Variants in HSPG2 observed in about 807,000 individuals in gnomAD.
HSPG2 encodes basement membrane-specific heparan sulfate proteoglycan core protein.
In HSPG2, 278 loss-of-function variants were observed where a neutral mutation model predicts 526.6. The observed-to-expected ratio is 0.53, with a 90% CI of 0.48 to 0.58. The LOEUF (loss-of-function observed/expected upper bound fraction) is 0.58. HSPG2 is among the 20% of genes least tolerant of loss of function. The pLI is 0.00. For synonymous variants in HSPG2, 2,465 were observed against 2,555.4 expected (o/e 0.96, Z 1.07); for missense variants, 5,354 against 6,099.5 (o/e 0.88, Z 4.07).
intron 1 of HSPG2, among the ~76,000 whole-genome samples, chr1:21,932,117 G>A (rs1236233916): frequency 4.1e-5 from 6 of 147,402 alleles, no homozygotes; most frequent in Admixed American, 2.7e-4. Flanking sequence ...GAGACCCCAC[G>A]GACACTGAGG....
chr1:21,891,535 CTGG>C (rs2152767515), intron 3 of HSPG2, among the ~76,000 whole-genome samples: 1 of 152,354 alleles, frequency 6.6e-6, no homozygotes, highest in East Asian at 1.9e-4. Context: ...TGCCGCGTGC[CTGG>C]TACACAGCGG....
At chr1:21,912,331 G>A (rs551733663) in intron 1 of HSPG2, among the ~76,000 whole-genome samples, 4 of 152,262 alleles carry the variant, frequency 2.6e-5, no homozygotes, top group South Asian at 2.1e-4. Flanking sequence ...CTTACGAGGT[G>A]TAAGTACCAC....
chr1:21,862,032 C>T lies in HSPG2; in HGVS notation c.4824G>A (p.Glu1608=). Residue 1608 remains glutamate (E), a synonymous_variant, in exon 38 of 97, where the codon GAG becomes GAA. Transcript: ENST00000374695. ...YYGDATAGTP[E]DCQPCACPLT... is the part of the protein sequence containing the mutation. Reference sequence around the variant, plus strand: ...GTGGGCAGGCACAGGGCTGGCAGTCCTCAGGCGTCCCGGCTGTGGCATCTC... The same window carrying T: ...GTGGGCAGGCACAGGGCTGGCAGTCTTCAGGCGTCCCGGCTGTGGCATCTC... The T allele has an allele frequency of 6.2e-7, 1 of 1,614,222 alleles. No homozygotes were observed. The highest frequency in any genetic ancestry group is 8.5e-7 in the Non-Finnish European group (1 of 1,180,038).
At position 21,864,239 on chromosome 1, in the gene HSPG2, T is replaced by C; in HGVS notation, c.4627-26A>G. ...CTAGGGGCAGAGAGGAAGGTTGGCC[T>C]CTGTTCCCAACGTGCCCCACCCACA... On this transcript the variant is annotated intron_variant, in intron 36 of 96. Transcript: ENST00000374695. The surrounding 1 kb of genome is among the most constrained non-coding windows in gnomAD (Gnocchi z 4.8). 1.3e-6 allele frequency: 2 copies of C among 1,539,624 alleles called. No individual in the cohort carries two copies. Among genetic ancestry groups the C allele is most frequent in the Non-Finnish European group, 8.8e-7 (1 of 1,137,466 alleles).
intron 29 of HSPG2, 121 bp downstream of exon 29, chr1:21,873,804 T>TGCGAGGTTAAGA (rs923062030): frequency 2.5e-6 from 2 of 814,330 alleles, no homozygotes; most frequent in Non-Finnish European, 3.9e-6. Context: ...CTGGGGCCTG[T>TGCGAGGTTAAGA]GCGAGGTTAA....
At position 21,844,162 on chromosome 1, in the gene HSPG2, G is replaced by A. The variant is rs1638234030; in HGVS notation, c.8602C>T (p.Pro2868Ser). The A allele has an allele frequency of 6.2e-7, 1 of 1,613,192 alleles. No homozygotes were observed. Among genetic ancestry groups the A allele is most frequent in the Admixed American group, 1.7e-5 (1 of 60,012 alleles). Residue 2868 changes from proline to serine, a missense_variant, in exon 65 of 97, where the codon CCT becomes TCT. By Grantham distance (74) the Pro-to-Ser change is moderately conservative. Coordinates refer to ENST00000374695, the MANE Select transcript of HSPG2 (RefSeq NM_005529.7). The stretch of plus-strand genomic sequence containing the variant: ...AGCTCCTTTACCTGGTGCCGGGCAG[G>A]GAGGTTTCCTCCACGCTTGTGCCAC... ...VTWHKRGGNL[P>S]ARHQVHGPLL... is the part of the protein sequence containing the mutation.
chr1:21,840,296 C>G (rs1327038558), intron 71 of HSPG2, among the ~76,000 whole-genome samples: 2 of 152,038 alleles, frequency 1.3e-5, no homozygotes, highest in Non-Finnish European at 1.5e-5. Flanking sequence ...TGCCACCACA[C>G]TCAGCTAATT....
intron 21 of HSPG2, among the ~76,000 whole-genome samples, chr1:21,877,242 T>C (rs1641149379): frequency 6.6e-6 from 1 of 152,160 alleles, no homozygotes; most frequent in Non-Finnish European, 1.5e-5. Context: ...ATTGAAATAA[T>C]TGCTGCTTCT....
Position 21,937,198 on chromosome 1 carries a change from C to T in HSPG2, c.20G>A (p.Gly7Asp). Residue 7 changes from glycine (G) to aspartate (D), a missense_variant, in exon 1 of 97, where the codon GGC becomes GAC. Transcript: ENST00000374695. MGWRAA[G>D]ALLLALLLHG... ...CAGCAGCAGCGCCAGCAGCAGCGCG[C>T]CCGCCGCCCGCCACCCCATGGCCCG... The T allele has an allele frequency of 1.8e-6, 2 of 1,081,230 alleles. No homozygotes were observed. Among genetic ancestry groups the T allele is most frequent in the South Asian group, 2.6e-5 (1 of 38,522 alleles). The allele number at this position is 1,081,230 out of a possible 1,614,324, so 67.0% of individuals were successfully genotyped here. A position where few individuals can be genotyped will look rare whatever the true frequency, so the allele number is the denominator to read the frequency against.
At chr1:21,905,607 T>C (rs905395685) in intron 1 of HSPG2, among the ~76,000 whole-genome samples, 1 of 152,314 alleles carries the variant, frequency 6.6e-6, no homozygotes, top group Middle Eastern at 3.4e-3. Context: ...CCTGGTGTGG[T>C]GGCAGGCGCC....
chr1:21,835,759 G>A (rs538932404), intron 75 of HSPG2, 122 bp from the exon 76 acceptor site: 11 of 700,580 alleles, frequency 1.6e-5, no homozygotes, highest in African/African-American at 5.3e-5. Context: ...TGAGGCAGGC[G>A]CATCACTTGA....
In HSPG2 at chr1:21,880,239, A is replaced by G; in HGVS notation, c.2211T>C (p.Tyr737=). Residue 737 remains tyrosine (Y), a synonymous_variant, in exon 17 of 97, where the codon TAT becomes TAC. Coordinates refer to ENST00000374695, the MANE Select transcript of HSPG2 (RefSeq NM_005529.7). The stretch of plus-strand genomic sequence containing the variant: ...CACAGCTCTCGCAGGACAAGCCAGA[A>G]TAGCCAATGGGGCATCTGTGGGGAC... The part of the protein sequence containing the change: ...SVEECRCPIG[Y]SGLSCESCDA... 6.2e-7 allele frequency: 1 copy of G among 1,614,214 alleles called. No individual in the cohort carries two copies. Among genetic ancestry groups the G allele is most frequent in the East Asian group, 2.2e-5 (1 of 44,882 alleles).
chr1:21,909,490 C>G (rs1643551680), intron 1 of HSPG2, among the ~76,000 whole-genome samples: 1 of 152,184 alleles, frequency 6.6e-6, no homozygotes, highest in African/African-American at 2.4e-5. Flanking sequence ...AAAAACAAAC[C>G]AGTTGCTTAG....
At chr1:21,936,816 C>T (rs1485238428) in intron 1 of HSPG2, among the ~76,000 whole-genome samples, 1 of 152,184 alleles carries the variant, frequency 6.6e-6, no homozygotes, top group African/African-American at 2.4e-5. Flanking sequence ...TCCCACCCTG[C>T]TCAAAGTTTC....
intron 63 of HSPG2, 65 bp from the exon 64 acceptor site, chr1:21,846,320 G>A (rs1469940799): frequency 6.2e-7 from 1 of 1,609,474 alleles, no homozygotes; most frequent in Non-Finnish European, 8.5e-7. Flanking sequence ...AAGGCCTGGG[G>A]CCAGGGTCTA....
rs940393723 is a variant in HSPG2, at chr1:21,887,152, C to T, written c.1078+63G>A. 1.4e-5 allele frequency: 22 copies of T among 1,593,092 alleles called. No homozygotes were observed. Among genetic ancestry groups the T allele is most frequent in the Middle Eastern group, 2.2e-4 (1 of 4,560 alleles). ...GTAGGGGCGGGGCAGGAGTGGAAGG[C>T]GGGGCAGGAGCAAGCGGCCTGGGCA... On this transcript the variant is annotated intron_variant, in intron 9 of 96. Coordinates refer to ENST00000374695, the MANE Select transcript of HSPG2 (RefSeq NM_005529.7). This position sits in a 1 kb window ranked among gnomAD's most constrained non-coding sequence, Gnocchi z 5.0.
Position 21,839,289 on chromosome 1 carries a change from C to T in HSPG2, c.9889+82G>A. 6.5e-7 allele frequency: 1 copy of T among 1,539,580 alleles called. No individual in the cohort carries two copies. The highest frequency in any genetic ancestry group is 8.9e-7 in the Non-Finnish European group (1 of 1,125,010). ...CGCCTGGAGACCTCTGGATGGGGTT[C>T]CTGGGGTTCTGTGTGGGGTGGAGCC... On this transcript the variant is annotated intron_variant, in intron 73 of 96. Coordinates refer to ENST00000374695, the MANE Select transcript of HSPG2 (RefSeq NM_005529.7). The surrounding 1 kb of genome is among the most constrained non-coding windows in gnomAD (Gnocchi z 4.5).
chr1:21,888,001 C>A lies in HSPG2; in HGVS notation c.640G>T (p.Ala214Ser). Residue 214 changes from alanine (A) to serine (S), a missense_variant, in exon 7 of 97, where the codon GCC becomes TCC. Coordinates refer to ENST00000374695, the MANE Select transcript of HSPG2 (RefSeq NM_005529.7). Reference sequence around the variant, plus strand: ...CGCCGGTCACAGCGATACTCCAGGGCCACACACTCATTGTAGCTGTGGCAG... The same window carrying A: ...CGCCGGTCACAGCGATACTCCAGGGACACACACTCATTGTAGCTGTGGCAG... ...FACHSYNECV[A>S]LEYRCDRRPD... 1 of 1,614,150 alleles carries A rather than the reference C, an allele frequency of 6.2e-7. No homozygotes were observed. Among genetic ancestry groups the A allele is most frequent in the East Asian group, 2.2e-5 (1 of 44,880 alleles).
chr1:21,887,588 G>A lies in HSPG2; in HGVS notation c.790C>T (p.Arg264Ter), dbSNP rs748430221. Residue 264 changes from arginine (R) to a stop codon, truncating the protein, a stop_gained, in exon 8 of 97, where the codon CGA becomes TGA. Coordinates refer to ENST00000374695, the MANE Select transcript of HSPG2 (RefSeq NM_005529.7). LOFTEE classifies it high-confidence loss of function. The surrounding 1 kb of genome is among the most constrained non-coding windows in gnomAD (Gnocchi z 5.0). The stretch of plus-strand genomic sequence containing the variant: ...GGAGCGTGGGTGACTGGTGGCTGTC[G>A]CATGATGGTTGTCTCTGGCCGGGGC... ...LPPRPETTIM[R>*]QPPVTHAPQP... 4 of 1,614,084 alleles carry A rather than the reference G, an allele frequency of 2.5e-6. No homozygotes were observed. The highest frequency in any genetic ancestry group is 1.7e-5 in the Admixed American group (1 of 60,024).
Sources: allele counts gnomAD v4.1 joint callset (sites outside exome capture counted in the v4.1 genomes callset), GRCh38; gene constraint gnomAD v4.1.1; non-coding constraint Gnocchi (gnomAD v3.1); transcripts MANE v1.5; gene names NCBI Gene and HGNC (gene_info 2026-07-23, HGNC 2026-07-21).